Variants in NCKAP5 observed in about 807,000 individuals in gnomAD.
The protein encoded by NCKAP5 is nck-associated protein 5.
NCKAP5 carries 92 observed loss-of-function variants against 167.0 expected under a neutral mutation model. The observed-to-expected ratio is 0.55, with a 90% CI of 0.47 to 0.66. The LOEUF is 0.66. NCKAP5 is among the 30% of genes least tolerant of loss of function. The probability of loss-of-function intolerance (pLI) is 0.00; values close to 1 mark genes in which losing one functional copy is unlikely to be tolerated. For missense variants in NCKAP5, 2,378 were observed against 2,315.0 expected (o/e 1.03, Z -0.56); for synonymous variants, 891 against 877.4 (o/e 1.02, Z -0.27).
chr2:133,418,143 A>G (rs1298084610), intron 3 of NCKAP5, among the ~76,000 whole-genome samples: 1 of 152,230 alleles, frequency 6.6e-6, no homozygotes, highest in African/African-American at 2.4e-5. Context: ...ATATTTTCTC[A>G]GAGGCTAGCA....
intron 19 of NCKAP5, among the ~76,000 whole-genome samples, chr2:132,686,499 C>T (rs905222206): frequency 6.6e-6 from 1 of 152,192 alleles, no homozygotes; most frequent in African/African-American, 2.4e-5. Context: ...GTTGCCATAG[C>T]TCAGTCTCCC....
intron 7 of NCKAP5, among the ~76,000 whole-genome samples, chr2:132,990,302 T>C (rs2077413189): frequency 6.6e-6 from 1 of 152,202 alleles, no homozygotes; most frequent in African/African-American, 2.4e-5. Context: ...ATATATATGA[T>C]TATCTACCTG....
At chr2:133,338,443 A>G (rs1482996659) in intron 3 of NCKAP5, among the ~76,000 whole-genome samples, 4 of 152,204 alleles carry the variant, frequency 2.6e-5, no homozygotes, top group Admixed American at 2.6e-4. Flanking sequence ...ATGCACCCCC[A>G]TCTTATAGTG....
the NCKAP5 span, among the ~76,000 whole-genome samples, chr2:133,650,354 G>C: frequency 6.6e-6 from 1 of 152,002 alleles, no homozygotes; most frequent in African/African-American, 2.4e-5. Context: ...TACAAAAATA[G>C]AAAATACAAT....
intron 6 of NCKAP5, among the ~76,000 whole-genome samples, chr2:133,013,705 C>A (rs1269152769): frequency 2.0e-5 from 3 of 152,122 alleles, no homozygotes; most frequent in African/African-American, 7.2e-5. Flanking sequence ...ATTCAGGGAC[C>A]ACAGCTCAGC....
chr2:132,991,925 C>A (rs944475167), intron 7 of NCKAP5, among the ~76,000 whole-genome samples: 4 of 152,186 alleles, frequency 2.6e-5, no homozygotes, highest in Non-Finnish European at 5.9e-5. Flanking sequence ...CCGCTATTAG[C>A]CTTATTTAGA....
At chr2:133,290,642 T>C (rs1679514247) in intron 4 of NCKAP5, among the ~76,000 whole-genome samples, 1 of 152,060 alleles carries the variant, frequency 6.6e-6, no homozygotes, top group Non-Finnish European at 1.5e-5. Context: ...CTTTTTGCCA[T>C]GCTTGCTTGA....
At chr2:132,746,340 A>G (rs1311587921) in intron 16 of NCKAP5, among the ~76,000 whole-genome samples, 1 of 152,128 alleles carries the variant, frequency 6.6e-6, no homozygotes, top group East Asian at 1.9e-4. Context: ...TAAAAACAAT[A>G]AATACTCATC....
At chr2:133,178,355 C>T (rs748102783) in intron 5 of NCKAP5, among the ~76,000 whole-genome samples, 24 of 151,160 alleles carry the variant, frequency 1.6e-4, no homozygotes, top group Non-Finnish European at 3.1e-4. Flanking sequence ...GAAAATTATC[C>T]AGGTGTGGTT....
At chr2:133,209,954 C>T (rs1276961316) in intron 5 of NCKAP5, among the ~76,000 whole-genome samples, 3 of 151,936 alleles carry the variant, frequency 2.0e-5, no homozygotes, top group Non-Finnish European at 4.4e-5. Flanking sequence ...TACCTGAGGT[C>T]AGGAGTTCGA....
intron 19 of NCKAP5, among the ~76,000 whole-genome samples, chr2:132,705,692 CA>C (rs1258509619): frequency 1.3e-5 from 2 of 151,888 alleles, no homozygotes; most frequent in East Asian, 1.9e-4. Flanking sequence ...TAATGAAAAA[CA>C]AAAAAAGGAC....
chr2:133,519,635 T>C (rs1684311860), intron 2 of NCKAP5, among the ~76,000 whole-genome samples: 1 of 152,228 alleles, frequency 6.6e-6, no homozygotes, highest in African/African-American at 2.4e-5. Flanking sequence ...GGGAGTTTGA[T>C]AGCTCATAAT....
chr2:132,914,688 A>G (rs1241478807), intron 8 of NCKAP5, among the ~76,000 whole-genome samples: 3 of 152,040 alleles, frequency 2.0e-5, no homozygotes, highest in East Asian at 1.9e-4. Flanking sequence ...TGACCACTGA[A>G]GGTACTCAGC....
At chr2:133,321,631 G>A (rs543823053) in intron 3 of NCKAP5, among the ~76,000 whole-genome samples, 55 of 152,188 alleles carry the variant, frequency 3.6e-4, no homozygotes, top group Non-Finnish European at 6.6e-4. Context: ...TATAAAAGAA[G>A]AGAAAAGCGG....
chr2:133,495,472 T>C (rs1681863006), intron 3 of NCKAP5, among the ~76,000 whole-genome samples: 1 of 152,202 alleles, frequency 6.6e-6, no homozygotes, highest in African/African-American at 2.4e-5. Flanking sequence ...GATCTACACA[T>C]GCAGAATAAA....
chr2:133,568,355 G>A lies in NCKAP5; in HGVS notation c.-269C>T, dbSNP rs1688716317. ...GAAGCATTCAAAGGCCACGCTAACA[G>A]AACAGACTCGGTTTTCCTGAACATC... On this transcript the variant is annotated 5_prime_UTR_variant, in exon 1 of 20. Transcript: ENST00000409261. 1 of 152,180 alleles carries A rather than the reference G, an allele frequency of 6.6e-6. No homozygotes were observed. 9.4% of individuals were successfully genotyped at this position (152,180 alleles called of 1,614,324 possible).
intron 4 of NCKAP5, among the ~76,000 whole-genome samples, chr2:133,280,789 G>T (rs150001085): frequency 6.6e-6 from 1 of 152,118 alleles, no homozygotes; most frequent in African/African-American, 2.4e-5. Flanking sequence ...GTTCACTTAC[G>T]TATCCTTTGT....
Position 132,696,104 on chromosome 2 carries a change from G to C in NCKAP5, c.5714-22799C>G, listed in dbSNP as rs569294544. Reference sequence around the variant, plus strand: ...TGATGGTGCATATACTTATTTTAAAGTGGCAAATATTTATCTACAGGGACA... The same window carrying C: ...TGATGGTGCATATACTTATTTTAAACTGGCAAATATTTATCTACAGGGACA... On this transcript the variant is annotated intron_variant, in intron 19 of 19. Coordinates refer to ENST00000409261, the MANE Select transcript of NCKAP5 (RefSeq NM_207363.3). Among the ~76,000 whole-genome samples the C allele has an allele frequency of 6.0e-4, 92 of 152,342 alleles. 1 individual carries two copies. The highest frequency in any genetic ancestry group is 2.1e-3 in the African/African-American group (87 of 41,576).
chr2:133,137,246 A>AT (rs959722401), intron 5 of NCKAP5, among the ~76,000 whole-genome samples: 1 of 152,166 alleles, frequency 6.6e-6, no homozygotes, highest in East Asian at 1.9e-4. Flanking sequence ...TTGAGGATTG[A>AT]TTTTTTAAAA....
Sources: allele counts gnomAD v4.1 joint callset (sites outside exome capture counted in the v4.1 genomes callset), GRCh38; gene constraint gnomAD v4.1.1; transcripts MANE v1.5; gene names NCBI Gene and HGNC (gene_info 2026-07-23, HGNC 2026-07-21).